The following CCDC102A variants were observed in gnomAD, a reference collection of about 807,000 sequenced individuals.
The protein encoded by CCDC102A is coiled-coil domain containing 102A, also known as coiled-coil domain-containing protein 102A.
CCDC102A carries 40 observed loss-of-function variants against 55.5 expected under a neutral mutation model. The observed-to-expected ratio is 0.72, with a 90% CI of 0.56 to 0.94. CCDC102A has a LOEUF of 0.94. CCDC102A is among the 40% of genes least tolerant of loss of function. The probability of loss-of-function intolerance (pLI) is 0.00; values close to 1 mark genes in which losing one functional copy is unlikely to be tolerated. For synonymous variants in CCDC102A, 323 were observed against 339.0 expected (o/e 0.95, Z 0.52); for missense variants, 779 against 768.6 (o/e 1.01, Z -0.16).
chr16:57,530,283 G>GCCC (rs1391316825), intron 1 of CCDC102A, among the ~76,000 whole-genome samples: 15 of 152,178 alleles, frequency 9.9e-5, no homozygotes, highest in Admixed American at 3.3e-4. Flanking sequence ...TATGGGCCAT[G>GCCC]CCCCCCTCCT....
At chr16:57,520,021 T>C (rs1031664152) in intron 4 of CCDC102A, among the ~76,000 whole-genome samples, 7 of 152,184 alleles carry the variant, frequency 4.6e-5, no homozygotes, top group Admixed American at 4.6e-4. Flanking sequence ...AGTGGTGGAT[T>C]CCCTTCTCTG....
rs11865877 is a variant in CCDC102A, at chr16:57,518,365, T to C, written c.1039-88A>G. ...ATGCCCCCGCCACCTCCTGGAGCCATTTTTGGCTCCAGGAAGCAGATCCAG... is the reference window on the plus strand; with the variant it reads ...ATGCCCCCGCCACCTCCTGGAGCCACTTTTGGCTCCAGGAAGCAGATCCAG... On this transcript the variant is annotated intron_variant, in intron 5 of 8. Coordinates refer to ENST00000258214, the MANE Select transcript of CCDC102A (RefSeq NM_033212.4). 9,281 of 1,281,962 alleles carry C rather than the reference T, an allele frequency of 7.2e-3. 476 individuals carry two copies. In the African/African-American group the frequency reaches 0.12, roughly 16 times the overall value. The allele number at this position is 1,281,962 out of a possible 1,614,324, so 79.4% of individuals were successfully genotyped here.
chr16:57,517,679 G>A (rs1177925001), intron 6 of CCDC102A, among the ~76,000 whole-genome samples: 2 of 152,160 alleles, frequency 1.3e-5, no homozygotes, highest in Non-Finnish European at 2.9e-5. Flanking sequence ...CCTCCGGGAG[G>A]TATTTCCAGG....
At chr16:57,523,333 C>A (rs1299126114) in intron 3 of CCDC102A, among the ~76,000 whole-genome samples, 1 of 152,112 alleles carries the variant, frequency 6.6e-6, no homozygotes, top group Non-Finnish European at 1.5e-5. Flanking sequence ...CTGAGGGCTG[C>A]GAGAAAGAAT....
Position 57,516,538 on chromosome 16 carries a change from C to G in CCDC102A, c.1249-75G>C, listed in dbSNP as rs1036952337. 1 of 1,272,576 alleles carries G rather than the reference C, an allele frequency of 7.9e-7. No homozygotes were observed. Among genetic ancestry groups the G allele is most frequent in the African/African-American group, 1.5e-5 (1 of 68,616 alleles). The allele number at this position is 1,272,576 out of a possible 1,614,324, so 78.8% of individuals were successfully genotyped here. A position where few individuals can be genotyped will look rare whatever the true frequency, so the allele number is the denominator to read the frequency against. ...TTGGGCGCCATGCCAGGGAGTCCCA[C>G]GAGGTCAGGCAGTTCTAGGGATGCT... On this transcript the variant is annotated intron_variant, in intron 6 of 8. Transcript: ENST00000258214. This position sits in a 1 kb window ranked among gnomAD's most constrained non-coding sequence, Gnocchi z 4.4.
Position 57,512,843 on chromosome 16 carries a change from G to A in CCDC102A, c.1551C>T (p.Pro517=), listed in dbSNP as rs1162901322. The A allele has an allele frequency of 6.2e-7, 1 of 1,614,014 alleles. No homozygotes were observed. Among genetic ancestry groups the A allele is most frequent in the South Asian group, 1.1e-5 (1 of 91,068 alleles). Residue 517 remains proline, a synonymous_variant, in exon 9 of 9, where the codon CCC becomes CCT. Transcript: ENST00000258214. ...GAGCACTGCGGATCTTCCCGAAGAG[G>A]GGAGCGTTCTGCTGCTGCCTGCGGA... ...SRLRRQQQNA[P]LFGKIRSARF...
At chr16:57,523,781 A>G (rs936248645) in intron 3 of CCDC102A, among the ~76,000 whole-genome samples, 5 of 152,026 alleles carry the variant, frequency 3.3e-5, no homozygotes, top group African/African-American at 4.8e-5. Flanking sequence ...CTCCGTCTCT[A>G]TGAAAAATAC....
intron 1 of CCDC102A, among the ~76,000 whole-genome samples, chr16:57,535,610 C>G (rs2032358323): frequency 6.6e-6 from 1 of 152,116 alleles, no homozygotes; most frequent in African/African-American, 2.4e-5. Flanking sequence ...GGTGAACCTT[C>G]ATGGGGACCC....
rs2032197878 is a variant in CCDC102A at position 57,528,912 on chromosome 16, TGCGCCGCCCGCGCCC to T, written c.251_265del (p.Arg84_Ala88del). On this transcript the variant is annotated inframe_deletion, in exon 2 of 9. Coordinates refer to ENST00000258214, the MANE Select transcript of CCDC102A (RefSeq NM_033212.4). ...CCACCGGCGCATGGTCTTCTCCATC[TGCGCCGCCCGCGCCC>T]GCGCCTCCTCCAGCTCCCGCAGCCG... 7.1e-7 allele frequency: 1 copy of T among 1,400,850 alleles called. No homozygotes were observed. The highest frequency in any genetic ancestry group is 9.4e-7 in the Non-Finnish European group (1 of 1,069,288). The allele number at this position is 1,400,850 out of a possible 1,614,324, so 86.8% of individuals were successfully genotyped here.
chr16:57,520,930 ACT>A, intron 4 of CCDC102A, 136 bp downstream of exon 4: 2 of 634,060 alleles, frequency 3.2e-6, no homozygotes, highest in Non-Finnish European at 5.5e-6. Flanking sequence ...ACAGAGCAAG[ACT>A]CTGTCTCAAA....
rs150775326 is a variant in CCDC102A, at chr16:57,518,721, C to T, written c.942G>A (p.Ala314=). The part of the protein sequence containing the change: ...MLKQLSILKE[A]HQDELGRMSE... ...ACATGCGGCCCAGCTCGTCCTGGTG[C>T]GCCTCCTTCAGGATGCTGAGCTGCA... The change falls in exon 5 of 9, where the codon GCG becomes GCA. Residue 314 remains alanine (A), a synonymous_variant. Transcript: ENST00000258214. The T allele has an allele frequency of 1.7e-4, 279 of 1,607,368 alleles. 1 individual carries two copies. The African/African-American group carries it at 3.1e-3, about 18-fold the overall frequency.
Position 57,528,844 on chromosome 16 carries a change from G to A in CCDC102A, c.334C>T (p.Arg112Cys). 7.5e-7 allele frequency: 1 copy of A among 1,327,526 alleles called. No homozygotes were observed. The highest frequency in any genetic ancestry group is 9.7e-7 in the Non-Finnish European group (1 of 1,029,176). The allele number at this position is 1,327,526 out of a possible 1,614,324, so 82.2% of individuals were successfully genotyped here. The change falls in exon 2 of 9, where the codon CGC becomes TGC. Residue 112 changes from arginine to cysteine, a missense_variant. Coordinates refer to ENST00000258214, the MANE Select transcript of CCDC102A (RefSeq NM_033212.4). ...ANWREKWSKV[R>C]AERNRAREEV... ...TCGCGCGCGCGGTTGCGCTCAGCGCGCACCTTGCTCCATTTCTCGCGCCAA... is the reference window on the plus strand; with the variant it reads ...TCGCGCGCGCGGTTGCGCTCAGCGCACACCTTGCTCCATTTCTCGCGCCAA...
intron 1 of CCDC102A, among the ~76,000 whole-genome samples, chr16:57,535,429 G>A (rs896288828): frequency 1.3e-5 from 2 of 152,142 alleles, no homozygotes; most frequent in Non-Finnish European, 2.9e-5. Flanking sequence ...GGACAGCTAC[G>A]TGTCTGTGTC....
chr16:57,530,907 C>T (rs72791633), intron 1 of CCDC102A, among the ~76,000 whole-genome samples: 12,114 of 151,886 alleles, frequency 0.08, 610 homozygotes, highest in East Asian at 0.19. Flanking sequence ...TCCCCTGTGA[C>T]GGTGTGCCCT....
intron 8 of CCDC102A, among the ~76,000 whole-genome samples, chr16:57,513,523 C>T (rs1472324717): frequency 2.0e-5 from 3 of 152,222 alleles, no homozygotes; most frequent in Admixed American, 6.5e-5. Flanking sequence ...GAGCTGTCCC[C>T]GGAACATTAA....
chr16:57,518,419 A>G lies in CCDC102A; in HGVS notation c.1039-142T>C, dbSNP rs986573521. ...CATTGGCTGTAATTAAGCTGGGCTC[A>G]TTTCATGGTGTACAGGATGTGAGGG... On this transcript the variant is annotated intron_variant, in intron 5 of 8. Coordinates refer to ENST00000258214, the MANE Select transcript of CCDC102A (RefSeq NM_033212.4). 25 of 866,400 alleles carry G rather than the reference A, an allele frequency of 2.9e-5. No individual in the cohort carries two copies. The African/African-American group carries it at 3.6e-4, about 12-fold the overall frequency. The allele number at this position is 866,400 out of a possible 1,614,324, so 53.7% of individuals were successfully genotyped here. A position where few individuals can be genotyped will look rare whatever the true frequency, so the allele number is the denominator to read the frequency against.
Position 57,518,643 on chromosome 16 carries a change from C to T in CCDC102A, c.1020G>A (p.Met340Ile), listed in dbSNP as rs1283249662. The change falls in exon 5 of 9, where the codon ATG (methionine) becomes ATA (isoleucine). Residue 340 changes from methionine (M) to isoleucine (I), a missense_variant. Physicochemically the swap from Met to Ile is conservative, Grantham distance 10 (BLOSUM62 1). Transcript: ENST00000258214. ...LGARSSMDRK[M>I]AELRGEMERL... is the part of the protein sequence containing the mutation. ...GCCTCACCTCGCCCCTCAGCTCGGC[C>T]ATTTTCCGGTCCATGCTGGAGCGTG... The T allele has an allele frequency of 1.2e-6, 2 of 1,613,540 alleles. No homozygotes were observed. The highest frequency in any genetic ancestry group is 1.1e-5 in the South Asian group (1 of 91,056).
At chr16:57,518,974 G>T (rs2146701572) in intron 4 of CCDC102A, among the ~76,000 whole-genome samples, 1 of 152,254 alleles carries the variant, frequency 6.6e-6, no homozygotes, top group African/African-American at 2.4e-5. Context: ...GCCCTTCTCT[G>T]TCAACCCGTT....
chr16:57,515,448 T>G lies in CCDC102A; in HGVS notation c.1420-4A>C. On this transcript the variant is annotated splice_polypyrimidine_tract_variant and splice_region_variant and intron_variant, in intron 7 of 8. Transcript: ENST00000258214. ...CCTGGTTGTGGGCCTCGTCCAGCTG[T>G]GGGGGTGAGCAGGGCCGAAAGCACG... 6.3e-7 allele frequency: 1 copy of G among 1,594,100 alleles called. No homozygotes were observed. The highest frequency in any genetic ancestry group is 8.5e-7 in the Non-Finnish European group (1 of 1,171,724).
Sources: gnomAD v4.1 joint callset for allele counts (sites outside exome capture counted in the v4.1 genomes callset) on GRCh38, gnomAD v4.1.1 for gene constraint, Gnocchi (gnomAD v3.1) non-coding constraint, MANE v1.5 for transcripts, NCBI Gene and HGNC (gene_info 2026-07-23, HGNC 2026-07-21) for gene names.